Variants in PDZRN4 observed in about 807,000 individuals in gnomAD.
The protein encoded by PDZRN4 is PDZ domain containing ring finger 4, also known as PDZ domain-containing RING finger protein 4.
Under a neutral mutation model 99.0 loss-of-function variants are expected in PDZRN4, and 70 were observed. The observed-to-expected ratio is 0.71, with a 90% CI of 0.58 to 0.86. The LOEUF (loss-of-function observed/expected upper bound fraction) is 0.86. Among genes scored for constraint, PDZRN4 ranks in the 40% least tolerant of loss-of-function variants. The pLI, the probability that PDZRN4 is intolerant of heterozygous loss-of-function variation, is 0.00. For synonymous variants in PDZRN4, 551 were observed against 501.6 expected, an observed-to-expected ratio of 1.10 and a Z score of -1.32; for missense variants, 1,474 against 1,331.2, an observed-to-expected ratio of 1.11 and a Z score of -1.67.
intron 3 of PDZRN4, among the ~76,000 whole-genome samples, chr12:41,360,642 GAAT>G (rs1379291986): frequency 2.0e-5 from 3 of 151,990 alleles, no homozygotes; most frequent in Non-Finnish European, 2.9e-5. Context: ...AAAAATTAAT[GAAT>G]AATTGACTTG....
At chr12:41,271,193 A>G (rs1951312324) in intron 3 of PDZRN4, among the ~76,000 whole-genome samples, 1 of 151,724 alleles carries the variant, frequency 6.6e-6, no homozygotes, top group Admixed American at 6.6e-5. Flanking sequence ...TTTTAAAAAA[A>G]CTAATTTAAT....
chr12:41,569,003 C>T (rs981435478), intron 9 of PDZRN4, among the ~76,000 whole-genome samples: 24 of 151,264 alleles, frequency 1.6e-4, no homozygotes, highest in Non-Finnish European at 2.7e-4. Context: ...CAGGGTTTCA[C>T]CATGTTGGTC....
At chr12:41,207,969 T>G (rs947394720) in intron 3 of PDZRN4, among the ~76,000 whole-genome samples, 5 of 151,362 alleles carry the variant, frequency 3.3e-5, no homozygotes, top group Non-Finnish European at 5.9e-5. Flanking sequence ...AAAAAATCAA[T>G]GAAATATAGT....
intron 3 of PDZRN4, among the ~76,000 whole-genome samples, chr12:41,454,355 G>A (rs1308695973): frequency 4.6e-5 from 7 of 152,298 alleles, no homozygotes; most frequent in Admixed American, 2.0e-4. Context: ...AGGTTCCTGC[G>A]TTTGAGTTAG....
chr12:41,439,950 A>G (rs934324446), intron 3 of PDZRN4, among the ~76,000 whole-genome samples: 3 of 152,226 alleles, frequency 2.0e-5, no homozygotes, highest in Admixed American at 1.3e-4. Flanking sequence ...AAAGGAAACC[A>G]GTGATAGGCT....
chr12:41,334,856 T>A (rs1312970345), intron 3 of PDZRN4, among the ~76,000 whole-genome samples: 1 of 152,146 alleles, frequency 6.6e-6, no homozygotes, highest in East Asian at 1.9e-4. Flanking sequence ...ACCACCATTG[T>A]AATAAGATTT....
chr12:41,477,818 T>A, intron 3 of PDZRN4: 1 of 1,170,244 alleles, frequency 8.5e-7, no homozygotes, highest in South Asian at 1.3e-5. Flanking sequence ...GTGGTAATGA[T>A]TTTGATTATG....
At chr12:41,206,982 A>G (rs1438509605) in intron 3 of PDZRN4, among the ~76,000 whole-genome samples, 3 of 151,982 alleles carry the variant, frequency 2.0e-5, no homozygotes, top group African/African-American at 7.2e-5. Flanking sequence ...AAAGATTAAT[A>G]TGATCCCAAA....
chr12:41,278,729 G>A (rs955752347), intron 3 of PDZRN4, among the ~76,000 whole-genome samples: 13 of 152,130 alleles, frequency 8.5e-5, no homozygotes, highest in Admixed American at 1.3e-4. Flanking sequence ...AGGGAACAGC[G>A]GAAAATGCTA....
chr12:41,501,779 A>G (rs1461850278), intron 3 of PDZRN4, among the ~76,000 whole-genome samples: 1 of 152,152 alleles, frequency 6.6e-6, no homozygotes, highest in African/African-American at 2.4e-5. Context: ...TGAATATATA[A>G]TCTTTAAGGA....
Position 41,378,631 on chromosome 12 carries a change from T to G in PDZRN4, c.844-127825T>G, listed in dbSNP as rs531139037. ...TCTGCCTCCCAGGTTCAAGCAATTCTCTTGCCTCAGCCTCCCAAGTAGCTG... is the reference window on the plus strand; with the variant it reads ...TCTGCCTCCCAGGTTCAAGCAATTCGCTTGCCTCAGCCTCCCAAGTAGCTG... On this transcript the variant is annotated intron_variant, in intron 3 of 9. Coordinates refer to ENST00000402685, the MANE Select transcript of PDZRN4 (RefSeq NM_001164595.2). Among the ~76,000 whole-genome samples, 3 of 148,146 alleles carry G rather than the reference T, an allele frequency of 2.0e-5. No individual in the cohort carries two copies. The South Asian group carries it at 6.6e-4, about 33-fold the overall frequency.
In PDZRN4 at chr12:41,526,978, G is replaced by T. The variant is rs117742854; in HGVS notation, c.1203+17065G>T. ...TGAGCAATACAGTTTCAGGTTCAAT[G>T]CTGAACATTGGTAAGCCAAAATAAA... On this transcript the variant is annotated intron_variant, in intron 5 of 9. Transcript: ENST00000402685. Among the ~76,000 whole-genome samples, 275 of 152,322 alleles carry T rather than the reference G, an allele frequency of 1.8e-3. 6 individuals carry two copies. The East Asian group carries it at 0.036, about 20-fold the overall frequency.
chr12:41,240,318 A>T (rs1467866253), intron 3 of PDZRN4, among the ~76,000 whole-genome samples: 1 of 152,164 alleles, frequency 6.6e-6, no homozygotes, highest in African/African-American at 2.4e-5. Context: ...TTCAATTCCC[A>T]TATGTGCATC....
intron 3 of PDZRN4, among the ~76,000 whole-genome samples, chr12:41,244,491 T>A (rs1951120496): frequency 6.6e-6 from 1 of 152,194 alleles, no homozygotes; most frequent in Non-Finnish European, 1.5e-5. Context: ...TTCTACATGA[T>A]CTGCTCCACT....
intron 3 of PDZRN4, among the ~76,000 whole-genome samples, chr12:41,311,650 C>T (rs1257998420): frequency 6.6e-6 from 1 of 152,144 alleles, no homozygotes; most frequent in Non-Finnish European, 1.5e-5. Context: ...TGTCTTCATA[C>T]AATGTCAAAC....
In PDZRN4 at chr12:41,188,781, C is replaced by A. The variant is rs752750091; in HGVS notation, c.326C>A (p.Ala109Asp). 1 of 1,381,376 alleles carries A rather than the reference C, an allele frequency of 7.2e-7. No individual in the cohort carries two copies. The allele number at this position is 1,381,376 out of a possible 1,614,324, so 85.6% of individuals were successfully genotyped here. ...AHVEHCDFGPARRLRSRGGCA... is the reference protein window; with the variant it reads ...AHVEHCDFGPDRRLRSRGGCA... ...GTCGAGCACTGCGACTTCGGCCCTG[C>A]CCGCCGGCTCCGCAGCCGCGGGGGC... Residue 109 changes from alanine (A) to aspartate (D), a missense_variant, in exon 1 of 10, where the codon GCC becomes GAC. By Grantham distance (126) the Ala-to-Asp change is moderately radical. Coordinates refer to ENST00000402685, the MANE Select transcript of PDZRN4 (RefSeq NM_001164595.2).
intron 3 of PDZRN4, among the ~76,000 whole-genome samples, chr12:41,438,327 A>G (rs1198512965): frequency 6.6e-6 from 1 of 152,190 alleles, no homozygotes; most frequent in Non-Finnish European, 1.5e-5. Context: ...TCATTTTGGA[A>G]TACTGTTGAC....
At chr12:41,232,471 T>A (rs1176993577) in intron 3 of PDZRN4, among the ~76,000 whole-genome samples, 4 of 152,100 alleles carry the variant, frequency 2.6e-5, no homozygotes, top group Non-Finnish European at 5.9e-5. Context: ...GGCAGCTCAT[T>A]GTGAAATTTA....
At chr12:41,368,599 G>A (rs1952018858) in intron 3 of PDZRN4, among the ~76,000 whole-genome samples, 1 of 152,084 alleles carries the variant, frequency 6.6e-6, no homozygotes, top group African/African-American at 2.4e-5. Context: ...GAGCACAGAA[G>A]CCCCAGTCTA....
Sources: allele counts gnomAD v4.1 joint callset (sites outside exome capture counted in the v4.1 genomes callset), GRCh38; gene constraint gnomAD v4.1.1; transcripts MANE v1.5; gene names NCBI Gene and HGNC (gene_info 2026-07-23, HGNC 2026-07-21).